The following SMARCA4 variants were observed in gnomAD, a reference collection of about 807,000 sequenced individuals.
SMARCA4 encodes the protein SWI/SNF-related matrix-associated actin-dependent regulator of chromatin subfamily A member 4.
A neutral mutation model predicts 193.9 loss-of-function variants in SMARCA4; 31 were observed. The ratio of observed to expected loss-of-function variants is 0.16; its 90% CI spans 0.12 to 0.22. The LOEUF (loss-of-function observed/expected upper bound fraction) is 0.22, where lower values mean the gene tolerates loss of function less well. Ranked by LOEUF, SMARCA4 falls within the 10% of genes least tolerant of loss-of-function variation. The pLI is 1.00. For missense variants in SMARCA4, 1,148 were observed against 2,296.0 expected (o/e 0.50, Z 10.22); for synonymous variants, 942 against 933.1 (o/e 1.01, Z -0.17).
chr19:11,023,484 T>C (rs2090021685), intron 19 of SMARCA4, 34 bp from the exon 20 acceptor site: 2 of 1,360,704 alleles, frequency 1.5e-6, no homozygotes, highest in Non-Finnish European at 2.1e-6. Flanking sequence ...CCTTTGGAGG[T>C]AACGCTTGCT....
intron 18 of SMARCA4, chr19:11,020,544 G>A (rs1443238942): frequency 6.6e-6 from 1 of 152,062 alleles, no homozygotes; most frequent in Admixed American, 6.6e-5. Context: ...CTGAGTAGCT[G>A]GGACTACAGG....
At chr19:10,975,436 C>T (rs1298799904) in intron 1 of SMARCA4, among the ~76,000 whole-genome samples, 1 of 151,658 alleles carries the variant, frequency 6.6e-6, no homozygotes, top group South Asian at 2.1e-4. Flanking sequence ...CTCAGCTTCC[C>T]GAATAGCTGG....
In SMARCA4 at chr19:11,018,963, G is replaced by A; in HGVS notation, c.2445G>A (p.Leu815=). 1 of 1,613,984 alleles carries A rather than the reference G, an allele frequency of 6.2e-7. No homozygotes were observed. Among genetic ancestry groups the A allele is most frequent in the Non-Finnish European group, 8.5e-7 (1 of 1,179,796 alleles). Residue 815 remains leucine (L), a synonymous_variant, in exon 17 of 35, where the codon CTG becomes CTA. Coordinates refer to ENST00000344626, the MANE Select transcript of SMARCA4 (RefSeq NM_003072.5). The part of the protein sequence containing the change: ...PFLIIVPLST[L]SNWAYEFDKW... ...CATTTCCTTGTTCCATCAGAACGCT[G>A]TCCAACTGGGCGTACGAGTTTGACA...
At chr19:10,977,679 G>C (rs984519872) in intron 1 of SMARCA4, 9 of 152,268 alleles carry the variant, frequency 5.9e-5, no homozygotes, top group African/African-American at 2.2e-4. Context: ...TTCACATTTT[G>C]ATGGGAGCAT....
At position 11,030,273 on chromosome 19, in the gene SMARCA4, C is replaced by T. The variant is rs557833475; in HGVS notation, c.3383-457C>T. 1.3e-5 allele frequency among the ~76,000 whole-genome samples: 2 copies of T among 152,324 alleles called. No homozygotes were observed. The highest frequency in any genetic ancestry group is 6.5e-5 in the Admixed American group (1 of 15,304). Reference sequence around the variant, plus strand: ...AGACAGGGCTGAAGGCAGGTGCACCCACAGTCACTGTCCACCCACCCCCAG... The same window carrying T: ...AGACAGGGCTGAAGGCAGGTGCACCTACAGTCACTGTCCACCCACCCCCAG... On this transcript the variant is annotated intron_variant, in intron 24 of 34. Transcript: ENST00000344626. This position sits in a 1 kb window ranked among gnomAD's most constrained non-coding sequence, Gnocchi z 5.5.
intron 1 of SMARCA4, among the ~76,000 whole-genome samples, chr19:10,962,498 G>A (rs920301822): frequency 6.6e-6 from 1 of 151,976 alleles, no homozygotes; most frequent in African/African-American, 2.4e-5. Flanking sequence ...CAGAGATCAC[G>A]GGGGCTGCTT....
intron 1 of SMARCA4, chr19:10,961,526 A>G (rs970904618): frequency 6.6e-6 from 1 of 152,130 alleles, no homozygotes; most frequent in African/African-American, 2.4e-5. Flanking sequence ...CAGCGGCTGC[A>G]ACAATAGGCA....
Position 11,030,403 on chromosome 19 carries a change from G to A in SMARCA4, c.3383-327G>A, listed in dbSNP as rs1182572773. The stretch of plus-strand genomic sequence containing the variant: ...GTAGAGGAGAGAATCCAGGGCTGTG[G>A]TGGTGGTGGCTGTGCTGACGCTGGA... On this transcript the variant is annotated intron_variant, in intron 24 of 34. Coordinates refer to ENST00000344626, the MANE Select transcript of SMARCA4 (RefSeq NM_003072.5). This position sits in a 1 kb window ranked among gnomAD's most constrained non-coding sequence, Gnocchi z 5.5. Among the ~76,000 whole-genome samples, 1 of 152,234 alleles carries A rather than the reference G, an allele frequency of 6.6e-6. No homozygotes were observed. The highest frequency in any genetic ancestry group is 2.4e-5 in the African/African-American group (1 of 41,464).
intron 15 of SMARCA4, chr19:11,011,248 A>G (rs2088815469): frequency 6.5e-6 from 1 of 153,086 alleles, no homozygotes; most frequent in Non-Finnish European, 1.4e-5. Flanking sequence ...TTTTTTTGAA[A>G]CGGAGCCTCT....
At chr19:10,973,662 C>T (rs897612643) in intron 1 of SMARCA4, among the ~76,000 whole-genome samples, 4 of 151,436 alleles carry the variant, frequency 2.6e-5, no homozygotes, top group Admixed American at 1.3e-4. Flanking sequence ...CTCCGCCTCC[C>T]GGGTTCACAC....
intron 30 of SMARCA4, among the ~76,000 whole-genome samples, chr19:11,057,455 C>CA (rs1388973934): frequency 6.6e-6 from 1 of 152,208 alleles, no homozygotes; most frequent in African/African-American, 2.4e-5. Flanking sequence ...CCCAGGCCGG[C>CA]TGCAGTGGCT....
chr19:11,023,176 G>A lies in SMARCA4; in HGVS notation c.2860-342G>A, dbSNP rs979115981. Among the ~76,000 whole-genome samples the A allele has an allele frequency of 2.0e-5, 3 of 152,250 alleles. No individual in the cohort carries two copies. The East Asian group carries it at 5.8e-4, about 29-fold the overall frequency. ...CGCTCCTGGCATGAGCTTGGCGTGG[G>A]GTGGGTCTGTGGACACTCCAGTTTG... On this transcript the variant is annotated intron_variant, in intron 19 of 34. Transcript: ENST00000344626.
Position 11,033,121 on chromosome 19 carries a change from G to C in SMARCA4, c.3547-169G>C, listed in dbSNP as rs1225176523. On this transcript the variant is annotated intron_variant, in intron 25 of 34. Coordinates refer to ENST00000344626, the MANE Select transcript of SMARCA4 (RefSeq NM_003072.5). This position sits in a 1 kb window ranked among gnomAD's most constrained non-coding sequence, Gnocchi z 9.8. ...CCCCTTCCCCCGAGGGACACATGGC[G>C]GCCCAGGCTCCACCAGCTCTGTTTT... The C allele has an allele frequency of 4.4e-6, 3 of 683,992 alleles. No individual in the cohort carries two copies. Among genetic ancestry groups the C allele is most frequent in the Non-Finnish European group, 8.0e-6 (3 of 373,514 alleles). 42.4% of individuals were successfully genotyped at this position (683,992 alleles called of 1,614,324 possible). A position where few individuals can be genotyped will look rare whatever the true frequency, so the allele number is the denominator to read the frequency against.
At chr19:11,014,518 G>T (rs1482928842) in intron 16 of SMARCA4, among the ~76,000 whole-genome samples, 6 of 152,178 alleles carry the variant, frequency 3.9e-5, no homozygotes, top group African/African-American at 1.2e-4. Flanking sequence ...CAGCGTTCCT[G>T]CTGCACCTGC....
At chr19:11,011,073 ACCTGGGC>A in intron 15 of SMARCA4, 1 of 209,090 alleles carries the variant, frequency 4.8e-6, no homozygotes, top group Non-Finnish European at 9.9e-6. Flanking sequence ...GAAGCTCTTC[ACCTGGGC>A]CTGACTTGGG....
chr19:10,984,388 G>A lies in SMARCA4; in HGVS notation c.222+15G>A, dbSNP rs770551419. 7 of 1,564,116 alleles carry A rather than the reference G, an allele frequency of 4.5e-6. No homozygotes were observed. In the East Asian group the frequency reaches 1.2e-4, roughly 27 times the overall value. On this transcript the variant is annotated intron_variant, in intron 2 of 34. Coordinates refer to ENST00000344626, the MANE Select transcript of SMARCA4 (RefSeq NM_003072.5). The surrounding 1 kb of genome is among the most constrained non-coding windows in gnomAD (Gnocchi z 4.3). ...AGATGCACAAGGTAGGGATCCCTGT[G>A]CCCGCCTCGCACCTGCGGCCTCTGC...
chr19:11,035,249 C>T lies in SMARCA4; in HGVS notation c.4170+117C>T, dbSNP rs184050361. The T allele has an allele frequency of 4.4e-4, 423 of 954,840 alleles. 2 individuals carry two copies. In the African/African-American group the frequency reaches 5.7e-3, roughly 13 times the overall value. The allele number at this position is 954,840 out of a possible 1,614,324, so 59.1% of individuals were successfully genotyped here. Reference sequence around the variant, plus strand: ...TCCAAAATGCTTTCCTTGGGCCACTCCTGGCCAGGCTCCGCAGGCAGCCGA... The same window carrying T: ...TCCAAAATGCTTTCCTTGGGCCACTTCTGGCCAGGCTCCGCAGGCAGCCGA... On this transcript the variant is annotated intron_variant, in intron 29 of 34. Transcript: ENST00000344626.
Position 11,019,167 on chromosome 19 carries a change from C to G in SMARCA4, c.2505+144C>G, listed in dbSNP as rs2089637928. 1 of 731,358 alleles carries G rather than the reference C, an allele frequency of 1.4e-6. No homozygotes were observed. Among genetic ancestry groups the G allele is most frequent in the Non-Finnish European group, 2.5e-6 (1 of 403,560 alleles). The allele number at this position is 731,358 out of a possible 1,614,324, so 45.3% of individuals were successfully genotyped here. A position where few individuals can be genotyped will look rare whatever the true frequency, so the allele number is the denominator to read the frequency against. ...GAGTCTCCAGGACAGCCTGGAACTC[C>G]AGTCACATGGATCCGGGAGTTTGGA... On this transcript the variant is annotated intron_variant, in intron 17 of 34. Coordinates refer to ENST00000344626, the MANE Select transcript of SMARCA4 (RefSeq NM_003072.5). This position sits in a 1 kb window ranked among gnomAD's most constrained non-coding sequence, Gnocchi z 6.1.
intron 11 of SMARCA4, among the ~76,000 whole-genome samples, chr19:11,002,490 TAAATAA>T (rs926237654): frequency 1.4e-5 from 2 of 144,422 alleles, no homozygotes; most frequent in African/African-American, 5.1e-5. Flanking sequence ...AAAAAATAAA[TAAATAA>T]AAATAAAAAA....
Sources: gnomAD v4.1 joint callset for allele counts (sites outside exome capture counted in the v4.1 genomes callset) on GRCh38, gnomAD v4.1.1 for gene constraint, Gnocchi (gnomAD v3.1) non-coding constraint, MANE v1.5 for transcripts, NCBI Gene and HGNC (gene_info 2026-07-23, HGNC 2026-07-21) for gene names.